CLEC16A: variants seen among roughly 807,000 people sequenced by gnomAD.
CLEC16A encodes the protein protein CLEC16A.
A neutral mutation model predicts 109.5 loss-of-function variants in CLEC16A; 51 were observed. The observed-to-expected ratio is 0.47, with a 90% CI of 0.37 to 0.59. CLEC16A has a LOEUF of 0.59. Ranked by LOEUF, CLEC16A falls within the 20% of genes least tolerant of loss-of-function variation. The probability of loss-of-function intolerance (pLI) is 0.00; values close to 1 mark genes in which losing one functional copy is unlikely to be tolerated. For missense variants in CLEC16A, 1,339 were observed against 1,394.0 expected (o/e 0.96, Z 0.63); for synonymous variants, 673 against 564.2 (o/e 1.19, Z -2.73).
intron 15 of CLEC16A, among the ~76,000 whole-genome samples, 171 bp downstream of exon 15, chr16:11,042,534 A>G (rs923359223): frequency 2.6e-5 from 4 of 152,232 alleles, no homozygotes; most frequent in Admixed American, 1.3e-4. Context: ...CTTATTCAGC[A>G]GGGACTTCCT....
intron 10 of CLEC16A, among the ~76,000 whole-genome samples, chr16:10,985,298 T>C (rs2043575938): frequency 6.6e-6 from 1 of 151,446 alleles, no homozygotes; most frequent in South Asian, 2.1e-4. Context: ...GTTTGGTCTT[T>C]GCAGTATTTA....
At chr16:11,103,487 G>A (rs1435310386) in intron 19 of CLEC16A, among the ~76,000 whole-genome samples, 1 of 152,210 alleles carries the variant, frequency 6.6e-6, no homozygotes, top group Non-Finnish European at 1.5e-5. Flanking sequence ...GGCTGACACA[G>A]GGGAATCACT....
At chr16:10,972,385 GCT>G (rs2042834371) in intron 5 of CLEC16A, 167 bp from the exon 6 acceptor site, 7 of 620,484 alleles carry the variant, frequency 1.1e-5, no homozygotes, top group Non-Finnish European at 2.0e-5. Flanking sequence ...GCTGCCTCCT[GCT>G]CTGTTTTCTC....
chr16:11,069,203 G>T (rs565637447), intron 19 of CLEC16A, among the ~76,000 whole-genome samples: 1 of 152,000 alleles, frequency 6.6e-6, no homozygotes, highest in East Asian at 1.9e-4. Context: ...TCACGGCTCA[G>T]TGCAGCCCCA....
In CLEC16A at chr16:11,060,905, A is replaced by G. The variant is rs201963363; in HGVS notation, c.1999A>G (p.Ile667Val). Residue 667 changes from isoleucine to valine, a missense_variant, in exon 19 of 24, where the codon ATC (isoleucine) becomes GTC (valine). Transcript: ENST00000409790. The part of the protein sequence containing the change: ...CGDVEKTRRA[I>V]RVFFMLRSLS... ...GCTCTCTGAACTGTTGGTCCAGGCCATCCGGGTGTTCTTCATGCTGCGTTC... is the reference window on the plus strand; with the variant it reads ...GCTCTCTGAACTGTTGGTCCAGGCCGTCCGGGTGTTCTTCATGCTGCGTTC... The G allele has an allele frequency of 1.9e-6, 3 of 1,609,750 alleles. No individual in the cohort carries two copies. Among genetic ancestry groups the G allele is most frequent in the African/African-American group, 2.7e-5 (2 of 74,774 alleles).
chr16:10,993,945 A>G (rs1433618269), intron 10 of CLEC16A, among the ~76,000 whole-genome samples: 1 of 152,188 alleles, frequency 6.6e-6, no homozygotes, highest in Non-Finnish European at 1.5e-5. Flanking sequence ...CTGGCCCCCT[A>G]CAGACTTAGT....
intron 11 of CLEC16A, among the ~76,000 whole-genome samples, chr16:11,017,360 A>C (rs186216075): frequency 4.3e-4 from 66 of 152,354 alleles, no homozygotes; most frequent in Middle Eastern, 3.4e-3. Flanking sequence ...GCAGACAGTA[A>C]AGAAGCAGAA....
At chr16:10,964,263 C>T (rs1196103645) in intron 3 of CLEC16A, among the ~76,000 whole-genome samples, 6 of 152,194 alleles carry the variant, frequency 3.9e-5, no homozygotes, top group Admixed American at 6.5e-5. Flanking sequence ...AAATGTGGGC[C>T]GACTCCTGTC....
At chr16:11,115,371 TTTTG>T (rs2051907848) in intron 19 of CLEC16A, among the ~76,000 whole-genome samples, 1 of 152,174 alleles carries the variant, frequency 6.6e-6, no homozygotes, top group Non-Finnish European at 1.5e-5. Context: ...ATGCTTTAAG[TTTTG>T]TTTGTTTGTT....
chr16:11,035,513 A>T (rs2046971655), intron 13 of CLEC16A, among the ~76,000 whole-genome samples: 1 of 152,044 alleles, frequency 6.6e-6, no homozygotes, highest in Non-Finnish European at 1.5e-5. Flanking sequence ...GAGAGGAGGG[A>T]GGTAAGAGCC....
At chr16:11,066,016 G>C (rs2048735538) in intron 19 of CLEC16A, among the ~76,000 whole-genome samples, 1 of 152,220 alleles carries the variant, frequency 6.6e-6, no homozygotes, top group African/African-American at 2.4e-5. Flanking sequence ...CTGGGGGCTA[G>C]AAAGGCCTGC....
At chr16:11,019,895 A>T (rs530368444) in intron 11 of CLEC16A, among the ~76,000 whole-genome samples, 2 of 152,248 alleles carry the variant, frequency 1.3e-5, no homozygotes, top group African/African-American at 4.8e-5. Context: ...TGTGGTATCA[A>T]TAAAGTAAAA....
Position 11,158,356 on chromosome 16 carries a change from G to A in CLEC16A, c.2642-8032G>A, listed in dbSNP as rs1458633466. Among the ~76,000 whole-genome samples, 6 of 152,202 alleles carry A rather than the reference G, an allele frequency of 3.9e-5. 1 individual carries two copies. The East Asian group carries it at 1.2e-3, about 29-fold the overall frequency. On this transcript the variant is annotated intron_variant, in intron 22 of 23. Transcript: ENST00000409790. ...AGAGACTGTGGAAAATGCACGGGTTGCTTCTCCCGAATCAGCCCTCAGCGG... is the reference window on the plus strand; with the variant it reads ...AGAGACTGTGGAAAATGCACGGGTTACTTCTCCCGAATCAGCCCTCAGCGG...
chr16:11,071,820 C>T (rs915014107), intron 19 of CLEC16A, among the ~76,000 whole-genome samples: 11 of 145,778 alleles, frequency 7.5e-5, no homozygotes, highest in Admixed American at 6.8e-4. Flanking sequence ...GGTCTTGAAC[C>T]CCTGGGCTCA....
rs1343493421 is a variant in CLEC16A at position 11,174,524 on chromosome 16, C to CG, written c.2807-3811_2807-3810insG. 6.6e-6 allele frequency among the ~76,000 whole-genome samples: 1 copy of CG among 152,248 alleles called. No individual in the cohort carries two copies. Among genetic ancestry groups the CG allele is most frequent in the East Asian group, 1.9e-4 (1 of 5,198 alleles). On this transcript the variant is annotated intron_variant, in intron 23 of 23. Coordinates refer to ENST00000409790, the MANE Select transcript of CLEC16A (RefSeq NM_015226.3). This position sits in a 1 kb window ranked among gnomAD's most constrained non-coding sequence, Gnocchi z 4.7. ...GACAGTCCTTCACCTTCGCGACAGT[C>CG]CTTCTGAGCCAGACCTGTACAGCCT...
intron 16 of CLEC16A, among the ~76,000 whole-genome samples, chr16:11,046,083 A>G (rs1341123074): frequency 6.6e-6 from 1 of 152,164 alleles, no homozygotes; most frequent in African/African-American, 2.4e-5. Flanking sequence ...CCCACGAGAA[A>G]GCAGAAACCT....
intron 19 of CLEC16A, among the ~76,000 whole-genome samples, chr16:11,067,151 T>A (rs2048805371): frequency 7.5e-6 from 1 of 133,968 alleles, no homozygotes; most frequent in East Asian, 2.1e-4. Context: ...GTTGTTGTTG[T>A]GGGGGTTTTT....
intron 3 of CLEC16A, among the ~76,000 whole-genome samples, chr16:10,964,730 A>G (rs77104963): frequency 1.3e-5 from 2 of 152,158 alleles, no homozygotes; most frequent in African/African-American, 2.4e-5. Context: ...TCTCTGAATT[A>G]TGTGGCTTTT....
At chr16:10,945,109 C>T (rs923580186) in intron 1 of CLEC16A, among the ~76,000 whole-genome samples, 7 of 152,176 alleles carry the variant, frequency 4.6e-5, no homozygotes, top group Non-Finnish European at 1.0e-4. Flanking sequence ...CACCAAGTTT[C>T]CTGGCGGGGT....
Sources: allele counts gnomAD v4.1 joint callset (sites outside exome capture counted in the v4.1 genomes callset), GRCh38; gene constraint gnomAD v4.1.1; non-coding constraint Gnocchi (gnomAD v3.1); transcripts MANE v1.5; gene names NCBI Gene and HGNC (gene_info 2026-07-23, HGNC 2026-07-21).